FXYD6: variants seen among roughly 807,000 people sequenced by gnomAD.
FXYD6 encodes FXYD domain-containing ion transport regulator 6.
In FXYD6, 7 loss-of-function variants were observed where a neutral mutation model predicts 16.7. The ratio of observed to expected loss-of-function variants is 0.42; its 90% CI spans 0.24 to 0.79. The LOEUF is 0.79. Among genes scored for constraint, FXYD6 ranks in the 30% least tolerant of loss-of-function variants. The pLI, the probability that FXYD6 is intolerant of heterozygous loss-of-function variation, is 0.28. For missense variants in FXYD6, 111 were observed against 116.2 expected, an observed-to-expected ratio of 0.95 and a Z score of 0.21; for synonymous variants, 49 against 43.0, an observed-to-expected ratio of 1.14 and a Z score of -0.54.
chr11:117,845,503 G>A (rs2056448825), intron 1 of FXYD6, among the ~76,000 whole-genome samples: 2 of 152,030 alleles, frequency 1.3e-5, no homozygotes, highest in Admixed American at 6.6e-5. Context: ...TTTTCTGTCC[G>A]ACATTATGCT....
intron 1 of FXYD6, chr11:117,869,291 T>G (rs1159227646): frequency 6.6e-6 from 1 of 152,306 alleles, no homozygotes; most frequent in Non-Finnish European, 1.5e-5. Flanking sequence ...TTTCCCAAGC[T>G]GCCAGGAAGG....
chr11:117,870,581 C>T lies in FXYD6; in HGVS notation c.-6+6011G>A, dbSNP rs1472971436. Among the ~76,000 whole-genome samples, 2 of 152,210 alleles carry T rather than the reference C, an allele frequency of 1.3e-5. No homozygotes were observed. The highest frequency in any genetic ancestry group is 3.9e-4 in the East Asian group (2 of 5,186). On this transcript the variant is annotated intron_variant, in intron 1 of 7. Transcript: ENST00000526014. The surrounding 1 kb of genome is among the most constrained non-coding windows in gnomAD (Gnocchi z 4.2). The stretch of plus-strand genomic sequence containing the variant: ...TCTTTAGAAGGACAGCTCTGGCCTG[C>T]ATGTTTCAGCCTACAGGGCACTTTG...
At chr11:117,839,661 C>T in intron 7 of FXYD6, 120 bp downstream of exon 7, 1 of 1,214,298 alleles carries the variant, frequency 8.2e-7, no homozygotes, top group Non-Finnish European at 1.2e-6. Flanking sequence ...GGGCAGGGCC[C>T]ATAATAAAAG....
At chr11:117,857,020 G>T (rs565530) in intron 1 of FXYD6, among the ~76,000 whole-genome samples, 132,920 of 151,964 alleles carry the variant, frequency 0.87, 58,749 homozygotes, top group East Asian at 1. Flanking sequence ...CAAAGGGAAG[G>T]GGGGTAGCCT....
intron 6 of FXYD6, 108 bp from the exon 7 acceptor site, chr11:117,839,938 C>A (rs1041915214): frequency 1.4e-6 from 2 of 1,423,172 alleles, no homozygotes; most frequent in Non-Finnish European, 2.0e-6. Context: ...AAAGAGGTGA[C>A]GGGCATGGGA....
chr11:117,874,425 T>A (rs2057208037), intron 1 of FXYD6, among the ~76,000 whole-genome samples: 1 of 152,158 alleles, frequency 6.6e-6, no homozygotes, highest in African/African-American at 2.4e-5. Flanking sequence ...CAGATCTGTT[T>A]GGAGGAGCCA....
intron 1 of FXYD6, among the ~76,000 whole-genome samples, chr11:117,859,221 C>T (rs1401688384): frequency 1.3e-5 from 2 of 152,246 alleles, no homozygotes; most frequent in African/African-American, 2.4e-5. Context: ...TCCAGCCACA[C>T]CCAGTTCGGC....
At chr11:117,858,671 CTTTCTTTCTT>C (rs2056807393) in intron 1 of FXYD6, among the ~76,000 whole-genome samples, 1 of 84,588 alleles carries the variant, frequency 1.2e-5, no homozygotes, top group African/African-American at 5.3e-5. Flanking sequence ...TTCTTTCTTT[CTTTCTTTCTT>C]TCTTTCTTTC....
At chr11:117,858,703 C>CTT (rs72107481) in intron 1 of FXYD6, among the ~76,000 whole-genome samples, 6,495 of 94,786 alleles carry the variant, frequency 0.069, 478 homozygotes, top group Admixed American at 0.13. Context: ...TTCTTTCTTT[C>CTT]TCTCTCTCTC....
chr11:117,850,372 T>C (rs982537016), intron 1 of FXYD6, among the ~76,000 whole-genome samples: 1 of 152,202 alleles, frequency 6.6e-6, no homozygotes, highest in African/African-American at 2.4e-5. Flanking sequence ...CTGAGTTGGG[T>C]CTTTTAGAAT....
intron 7 of FXYD6, 28 bp downstream of exon 7, chr11:117,839,753 G>A (rs1228844485): frequency 3.1e-6 from 5 of 1,614,048 alleles, no homozygotes; most frequent in South Asian, 1.1e-5. Context: ...ATGGCAACAG[G>A]GGCCAATCCA....
At chr11:117,858,701 T>TTCTTTCTCTC (rs781138003) in intron 1 of FXYD6, among the ~76,000 whole-genome samples, 13 of 58,336 alleles carry the variant, frequency 2.2e-4, no homozygotes, top group East Asian at 9.0e-4. Flanking sequence ...CTTTCTTTCT[T>TTCTTTCTCTC]TCTCTCTCTC....
intron 1 of FXYD6, among the ~76,000 whole-genome samples, chr11:117,858,610 T>G (rs2056792955): frequency 6.6e-6 from 1 of 151,232 alleles, no homozygotes; most frequent in Non-Finnish European, 1.5e-5. Flanking sequence ...AAACGGAGAG[T>G]CGATTCTGCT....
chr11:117,837,039 A>G lies in FXYD6; in HGVS notation c.*1260T>C, dbSNP rs1290692612. 6.6e-6 allele frequency: 1 copy of G among 152,180 alleles called. No individual in the cohort carries two copies. Among genetic ancestry groups the G allele is most frequent in the East Asian group, 1.9e-4 (1 of 5,196 alleles). 9.4% of individuals were successfully genotyped at this position (152,180 alleles called of 1,614,324 possible). On this transcript the variant is annotated 3_prime_UTR_variant, in exon 8 of 8. Transcript: ENST00000526014. This position sits in a 1 kb window ranked among gnomAD's most constrained non-coding sequence, Gnocchi z 4.4. ...GTTGTTGTTGAGGATAGATCACGAT[A>G]CAGAGAACAGCAATGGGTCACAGCG...
intron 1 of FXYD6, among the ~76,000 whole-genome samples, chr11:117,867,962 A>C (rs1464520432): frequency 6.6e-6 from 1 of 152,152 alleles, no homozygotes; most frequent in Non-Finnish European, 1.5e-5. Context: ...TAATTTTGAG[A>C]ATCTCCCCCA....
intron 1 of FXYD6, among the ~76,000 whole-genome samples, chr11:117,855,309 C>T (rs2056698741): frequency 6.6e-6 from 1 of 152,242 alleles, no homozygotes; most frequent in South Asian, 2.1e-4. Flanking sequence ...GCTACATCAA[C>T]CACACCTCAG....
At chr11:117,863,530 G>T (rs922375835) in intron 1 of FXYD6, among the ~76,000 whole-genome samples, 1 of 149,928 alleles carries the variant, frequency 6.7e-6, no homozygotes, top group Non-Finnish European at 1.5e-5. Flanking sequence ...AAGACTTAAC[G>T]CTTTTCCTCT....
chr11:117,861,867 G>A (rs908616533), intron 1 of FXYD6, among the ~76,000 whole-genome samples: 11 of 152,224 alleles, frequency 7.2e-5, no homozygotes, highest in African/African-American at 2.4e-4. Context: ...ACTGGCTCCC[G>A]GCCACTGCCT....
intron 1 of FXYD6, among the ~76,000 whole-genome samples, chr11:117,855,133 T>A (rs980298694): frequency 6.6e-5 from 10 of 152,160 alleles, no homozygotes; most frequent in Admixed American, 3.3e-4. Context: ...ATAAGATGGT[T>A]GGAATCAGAT....
Sources: allele counts gnomAD v4.1 joint callset (sites outside exome capture counted in the v4.1 genomes callset), GRCh38; gene constraint gnomAD v4.1.1; non-coding constraint Gnocchi (gnomAD v3.1); transcripts MANE v1.5; gene names NCBI Gene and HGNC (gene_info 2026-07-23, HGNC 2026-07-21).